The following SUGT1 variants were observed in gnomAD, a reference collection of about 807,000 sequenced individuals.
The protein encoded by SUGT1 is SGT1 assembly cochaperone of MIS12 kinetochore complex, also known as protein SGT1 homolog.
Under a neutral mutation model 56.1 loss-of-function variants are expected in SUGT1, and 15 were observed. The ratio of observed to expected loss-of-function variants is 0.27; its 90% CI spans 0.18 to 0.41. The LOEUF is 0.41. SUGT1 is among the 10% of genes least tolerant of loss of function. The probability of loss-of-function intolerance (pLI) is 1.00; values close to 1 mark genes in which losing one functional copy is unlikely to be tolerated. For missense variants in SUGT1, 347 were observed against 382.2 expected (o/e 0.91, Z 0.77); for synonymous variants, 123 against 128.6 (o/e 0.96, Z 0.30).
In SUGT1 at chr13:52,654,950, C is replaced by G. The variant is rs141277480; in HGVS notation, c.96+1847C>G. On this transcript the variant is annotated intron_variant, in intron 2 of 12. Transcript: ENST00000310528. ...CATGCATTTCTTTTGGTTGTATGTA[C>G]CTAGGAGAAGAATTGCCTAGGATAG... is the stretch of plus-strand genomic sequence containing the variant. 2.6e-5 allele frequency among the ~76,000 whole-genome samples: 4 copies of G among 152,156 alleles called. No individual in the cohort carries two copies. In the South Asian group the frequency reaches 6.2e-4, roughly 24 times the overall value.
intron 5 of SUGT1, chr13:52,661,670 C>A: frequency 3.0e-6 from 1 of 335,106 alleles, no homozygotes; most frequent in Non-Finnish European, 5.9e-6. Context: ...TACCTTTTCC[C>A]CTCTTTGTGT....
chr13:52,662,670 T>C lies in SUGT1; in HGVS notation c.350T>C (p.Val117Ala). The C allele has an allele frequency of 6.2e-7, 1 of 1,613,880 alleles. No homozygotes were observed. Among genetic ancestry groups the C allele is most frequent in the African/African-American group, 1.3e-5 (1 of 75,036 alleles). Reference sequence around the variant, plus strand: ...CTAGGTGCAGATGCTAATTTCAGTGTCTGGATTAAAAGGTGTCAAGAAGCT... The same window carrying C: ...CTAGGTGCAGATGCTAATTTCAGTGCCTGGATTAAAAGGTGTCAAGAAGCT... ...KLDSADANFSVWIKRCQEAQN... is the reference protein window; with the variant it reads ...KLDSADANFSAWIKRCQEAQN... The change falls in exon 6 of 13, where the codon GTC (valine) becomes GCC (alanine). Residue 117 changes from valine (V) to alanine (A), a missense_variant. Physicochemically the swap from Val to Ala is moderately conservative, Grantham distance 64 (BLOSUM62 0). Transcript: ENST00000310528.
rs1964021345 is a variant in SUGT1, at chr13:52,699,295, C to A, written c.*11460C>A. On this transcript the variant is annotated 3_prime_UTR_variant, in exon 13 of 13. Coordinates refer to ENST00000310528, the MANE Select transcript of SUGT1 (RefSeq NM_006704.5). ...AATGTTTGTTTCAATCAAAGTGAAA[C>A]AAAATGAGAATAACTATTTGGGCAA... 6.6e-6 allele frequency: 1 copy of A among 152,158 alleles called. No individual in the cohort carries two copies. Among genetic ancestry groups the A allele is most frequent in the African/African-American group, 2.4e-5 (1 of 41,516 alleles). The allele number at this position is 152,158 out of a possible 1,614,324, so 9.4% of individuals were successfully genotyped here. A position where few individuals can be genotyped will look rare whatever the true frequency, so the allele number is the denominator to read the frequency against.
In SUGT1 at chr13:52,696,511, G is replaced by C. The variant is rs1303308268; in HGVS notation, c.*8676G>C. 2.6e-5 allele frequency: 4 copies of C among 152,142 alleles called. No homozygotes were observed. The East Asian group carries it at 7.7e-4, about 29-fold the overall frequency. The allele number at this position is 152,142 out of a possible 1,614,324, so 9.4% of individuals were successfully genotyped here. A position where few individuals can be genotyped will look rare whatever the true frequency, so the allele number is the denominator to read the frequency against. On this transcript the variant is annotated 3_prime_UTR_variant, in exon 13 of 13. Coordinates refer to ENST00000310528, the MANE Select transcript of SUGT1 (RefSeq NM_006704.5). ...TACATAGCGTAGTGCCTTTCACATA[G>C]TATGTACTCAAATATTGGAAGTTAC...
chr13:52,676,149 T>G lies in SUGT1; in HGVS notation c.628-81T>G. ...AAAGATACTATTCTTAACAAAACTT[T>G]GATGACTTAAGAAAACTGCATTTTT... On this transcript the variant is annotated intron_variant, in intron 10 of 12. Transcript: ENST00000310528. The G allele has an allele frequency of 2.7e-6, 3 of 1,107,088 alleles. No individual in the cohort carries two copies. In the South Asian group the frequency reaches 5.2e-5, roughly 19 times the overall value. 68.6% of individuals were successfully genotyped at this position (1,107,088 alleles called of 1,614,324 possible).
Position 52,693,167 on chromosome 13 carries a change from T to C in SUGT1, c.*5332T>C, listed in dbSNP as rs1002361478. Reference sequence around the variant, plus strand: ...TGGCTTGTCTGGAGTCTTAAATATTTGGTATGCCTTCACATTTGGATTTTT... The same window carrying C: ...TGGCTTGTCTGGAGTCTTAAATATTCGGTATGCCTTCACATTTGGATTTTT... On this transcript the variant is annotated 3_prime_UTR_variant, in exon 13 of 13. Transcript: ENST00000310528. The C allele has an allele frequency of 1.3e-5, 2 of 152,118 alleles. No individual in the cohort carries two copies. Among genetic ancestry groups the C allele is most frequent in the African/African-American group, 4.8e-5 (2 of 41,452 alleles). 9.4% of individuals were successfully genotyped at this position (152,118 alleles called of 1,614,324 possible).
Position 52,687,871 on chromosome 13 carries a change from C to A in SUGT1, c.*36C>A. Reference sequence around the variant, plus strand: ...TTGCTCTCATCGTATTGTGTATATTCACCTAATGCCCATTGTGTATTGATA... The same window carrying A: ...TTGCTCTCATCGTATTGTGTATATTAACCTAATGCCCATTGTGTATTGATA... On this transcript the variant is annotated 3_prime_UTR_variant, in exon 13 of 13. Transcript: ENST00000310528. 1.5e-6 allele frequency: 2 copies of A among 1,371,342 alleles called. No homozygotes were observed. Among genetic ancestry groups the A allele is most frequent in the South Asian group, 2.8e-5 (2 of 71,066 alleles). The allele number at this position is 1,371,342 out of a possible 1,614,324, so 84.9% of individuals were successfully genotyped here.
rs772692503 is a variant in SUGT1, at chr13:52,679,937, T to C, written c.719-37T>C. 90 of 1,548,502 alleles carry C rather than the reference T, an allele frequency of 5.8e-5. 1 individual carries two copies. The highest frequency in any genetic ancestry group is 7.3e-5 in the Non-Finnish European group (84 of 1,155,316). ...ACATATTCTCGACATAATTGAAACA[T>C]GTTGATTAATTACTTCTGCCTTTTT... is the stretch of plus-strand genomic sequence containing the variant. On this transcript the variant is annotated intron_variant, in intron 11 of 12. Transcript: ENST00000310528.
At position 52,698,494 on chromosome 13, in the gene SUGT1, C is replaced by CCAGA. The variant is rs1963998182; in HGVS notation, c.*10662_*10663insACAG. 1 of 144,710 alleles carries CCAGA rather than the reference C, an allele frequency of 6.9e-6. No individual in the cohort carries two copies. The highest frequency in any genetic ancestry group is 2.6e-5 in the African/African-American group (1 of 38,860). The allele number at this position is 144,710 out of a possible 1,614,324, so 9.0% of individuals were successfully genotyped here. ...AAGAGACAGGGTTTTGCTCTGCTGT[C>CCAGA]CAGGCACACAATAGCTCACTGTAAC... On this transcript the variant is annotated 3_prime_UTR_variant, in exon 13 of 13. Coordinates refer to ENST00000310528, the MANE Select transcript of SUGT1 (RefSeq NM_006704.5).
chr13:52,681,137 C>T (rs1038430271), intron 12 of SUGT1, among the ~76,000 whole-genome samples: 2 of 151,926 alleles, frequency 1.3e-5, no homozygotes, highest in African/African-American at 2.4e-5. Context: ...CTCAACCAGC[C>T]TCACTATTGA....
At chr13:52,672,823 A>C (rs969678318) in intron 10 of SUGT1, among the ~76,000 whole-genome samples, 26 of 152,184 alleles carry the variant, frequency 1.7e-4, no homozygotes, top group Non-Finnish European at 2.8e-4. Context: ...TAAATCTGAA[A>C]TTTCTTTCAT....
intron 11 of SUGT1, 62 bp downstream of exon 11, chr13:52,676,382 A>G: frequency 7.6e-7 from 1 of 1,310,450 alleles, no homozygotes; most frequent in South Asian, 1.4e-5. Context: ...GAAATTAAAT[A>G]GTAATGAACA....
At chr13:52,680,279 G>T in intron 12 of SUGT1, 124 bp downstream of exon 12, 2 of 821,424 alleles carry the variant, frequency 2.4e-6, no homozygotes, top group East Asian at 3.1e-5. Context: ...AATAAGGTCT[G>T]TCTGAACGTT....
At chr13:52,665,497 T>C in intron 8 of SUGT1, 140 bp from the exon 9 acceptor site, 1 of 515,496 alleles carries the variant, frequency 1.9e-6, no homozygotes, top group Non-Finnish European at 3.2e-6. Context: ...TATATAAAGT[T>C]GTTTCTGTGA....
At position 52,665,646 on chromosome 13, in the gene SUGT1, G is replaced by A; in HGVS notation, c.432G>A (p.Trp144Ter). The change falls in exon 9 of 13, where the codon TGG becomes TGA. Residue 144 changes from tryptophan (W) to a stop codon, truncating the protein, a stop_gained. Coordinates refer to ENST00000310528, the MANE Select transcript of SUGT1 (RefSeq NM_006704.5). LOFTEE classifies it high-confidence loss of function. Reference protein sequence around the residue: ...WTHQSKIKYDWYQTESQVVIT... With the variant: ...WTHQSKIKYD ...TTTTTTTTTTTAATAGGTATGACTG[G>A]TATCAAACAGAATCTCAAGTAGTCA... 1 of 1,582,152 alleles carries A rather than the reference G, an allele frequency of 6.3e-7. No homozygotes were observed. The highest frequency in any genetic ancestry group is 8.6e-7 in the Non-Finnish European group (1 of 1,167,680).
chr13:52,673,693 G>A (rs532497917), intron 10 of SUGT1, among the ~76,000 whole-genome samples: 3 of 152,350 alleles, frequency 2.0e-5, no homozygotes, highest in African/African-American at 7.2e-5. Flanking sequence ...GGAACATGAA[G>A]TGTGAATATA....
intron 12 of SUGT1, among the ~76,000 whole-genome samples, chr13:52,684,563 G>A (rs1205000283): frequency 2.0e-5 from 3 of 151,900 alleles, no homozygotes; most frequent in Non-Finnish European, 4.4e-5. Flanking sequence ...TTTTGAGACA[G>A]GGTCTCCCTC....
At chr13:52,671,997 C>T (rs777391655) in intron 10 of SUGT1, among the ~76,000 whole-genome samples, 3 of 152,096 alleles carry the variant, frequency 2.0e-5, no homozygotes, top group African/African-American at 4.8e-5. Flanking sequence ...AGGGTGATTC[C>T]GTTAAGTAAG....
intron 10 of SUGT1, among the ~76,000 whole-genome samples, chr13:52,669,069 A>C (rs978727256): frequency 6.6e-6 from 1 of 152,144 alleles, no homozygotes; most frequent in African/African-American, 2.4e-5. Flanking sequence ...CCATTCTTCA[A>C]CCATACTACT....
Sources: gnomAD v4.1 joint callset for allele counts (sites outside exome capture counted in the v4.1 genomes callset) on GRCh38, gnomAD v4.1.1 for gene constraint, MANE v1.5 for transcripts, NCBI Gene and HGNC (gene_info 2026-07-23, HGNC 2026-07-21) for gene names.